ZFHX3: variants seen among roughly 807,000 people sequenced by gnomAD.
ZFHX3 encodes zinc finger homeobox protein 3.
In ZFHX3, 42 loss-of-function variants were observed where a neutral mutation model predicts 279.1. The observed-to-expected ratio is 0.15, with a 90% CI of 0.12 to 0.19. The LOEUF (loss-of-function observed/expected upper bound fraction) is 0.19. Ranked by LOEUF, ZFHX3 falls within the 10% of genes least tolerant of loss-of-function variation. The pLI, the probability that ZFHX3 is intolerant of heterozygous loss-of-function variation, is 1.00. For missense variants in ZFHX3, 4,981 were observed against 4,754.0 expected, an observed-to-expected ratio of 1.05 and a Z score of -1.40; for synonymous variants, 2,293 against 1,957.8, an observed-to-expected ratio of 1.17 and a Z score of -4.52.
chr16:73,164,686 T>G (rs56242750), intron 5 of ZFHX3, among the ~76,000 whole-genome samples: 5,872 of 136,360 alleles, frequency 0.043, 379 homozygotes, highest in African/African-American at 0.15. Context: ...GGTGACAAAG[T>G]GAGACTCTGT....
chr16:72,899,743 A>G (rs886186923), intron 3 of ZFHX3, among the ~76,000 whole-genome samples: 1 of 152,184 alleles, frequency 6.6e-6, no homozygotes, highest in African/African-American at 2.4e-5. Flanking sequence ...AAACAGGGAC[A>G]ATAACAGAGC....
intron 1 of ZFHX3, among the ~76,000 whole-genome samples, chr16:72,966,452 C>T (rs1014128727): frequency 3.9e-5 from 6 of 152,178 alleles, no homozygotes; most frequent in Non-Finnish European, 7.3e-5. Context: ...TGATGACAAA[C>T]TCAGAGGAAG....
rs543289725 is a variant in ZFHX3, at chr16:73,372,876, C to T, written c.-1290-54540G>A. Among the ~76,000 whole-genome samples, 17 of 152,320 alleles carry T rather than the reference C, an allele frequency of 1.1e-4. No individual in the cohort carries two copies. In the South Asian group the frequency reaches 3.5e-3, roughly 32 times the overall value. Reference sequence around the variant, plus strand: ...TCCATTAACACAAACTCAGTGACACCTACATCCGAAACATACACCCTCGCA... The same window carrying T: ...TCCATTAACACAAACTCAGTGACACTTACATCCGAAACATACACCCTCGCA... On this transcript the variant is annotated intron_variant, in intron 3 of 17. Coordinates refer to the ZFHX3 transcript ENST00000641206.
intron 1 of ZFHX3, among the ~76,000 whole-genome samples, chr16:73,716,857 T>C (rs559152948): frequency 6.6e-6 from 1 of 152,150 alleles, no homozygotes; most frequent in South Asian, 2.1e-4. Flanking sequence ...CGGCTCGCTC[T>C]CTGCATCACA....
chr16:73,883,816 A>G (rs1163434566), intron 1 of ZFHX3, among the ~76,000 whole-genome samples: 1 of 152,138 alleles, frequency 6.6e-6, no homozygotes. Context: ...GGTCAAGTCA[A>G]GGGTGCCTCT....
intron 1 of ZFHX3, among the ~76,000 whole-genome samples, chr16:73,038,730 A>G (rs1965003054): frequency 6.6e-6 from 1 of 151,514 alleles, no homozygotes; most frequent in Admixed American, 6.6e-5. Flanking sequence ...AAATGTTACC[A>G]CCTCAAGTGC....
Position 73,179,879 on chromosome 16 carries a change from A to G in ZFHX3, c.-1103-36048T>C, listed in dbSNP as rs141082111. On this transcript the variant is annotated intron_variant, in intron 5 of 17. Coordinates refer to the ZFHX3 transcript ENST00000641206. ...AAGGGGGACCCACTGACCCCTGACC[A>G]CAGCCTTGTCATACAGAGAGTGTCA... 3.4e-4 allele frequency among the ~76,000 whole-genome samples: 52 copies of G among 152,258 alleles called. No individual in the cohort carries two copies. The East Asian group carries it at 9.7e-3, about 28-fold the overall frequency.
intron 3 of ZFHX3, among the ~76,000 whole-genome samples, chr16:73,382,070 C>T (rs1025748271): frequency 6.6e-6 from 1 of 152,230 alleles, no homozygotes; most frequent in African/African-American, 2.4e-5. Flanking sequence ...CATAGTTTGT[C>T]AACCTCTGGA....
chr16:73,841,333 G>T (rs117913041), intron 1 of ZFHX3, among the ~76,000 whole-genome samples: 2,689 of 152,232 alleles, frequency 0.018, 38 homozygotes, highest in Non-Finnish European at 0.025. Flanking sequence ...CAGATGAGCT[G>T]GGGGTGGGTG....
At chr16:73,134,312 C>T (rs892215999) in intron 6 of ZFHX3, among the ~76,000 whole-genome samples, 10 of 142,784 alleles carry the variant, frequency 7.0e-5, no homozygotes, top group African/African-American at 1.5e-4. Context: ...AGTGACCTTC[C>T]GTGTTAGTCT....
rs3081625 is a variant in ZFHX3, at chr16:73,004,159, C to CTTTTTTTTTTTTTTTTTTTTTTTT, written c.-50+43569_-50+43592dup. On this transcript the variant is annotated intron_variant, in intron 1 of 9. Transcript: ENST00000268489. Reference sequence around the variant, plus strand: ...CAATAATAACTACATAAAAACACGACTTTTTTTTTTTTTTTTTTTTTTTTT... The same window carrying CTTTTTTTTTTTTTTTTTTTTTTTT: ...CAATAATAACTACATAAAAACACGACTTTTTTTTTTTTTTTTTTTTTTTTTTTTTTTTTTTTTTTTTTTTTTTTT... Among the ~76,000 whole-genome samples, 7 of 49,372 alleles carry CTTTTTTTTTTTTTTTTTTTTTTTT rather than the reference C, an allele frequency of 1.4e-4. 3 individuals carry two copies. The highest frequency in any genetic ancestry group is 4.2e-4 in the African/African-American group (4 of 9,434). 32.4% of individuals were successfully genotyped at this position (49,372 alleles called of 152,430 possible).
chr16:73,307,498 C>T (rs1032772796), intron 4 of ZFHX3, among the ~76,000 whole-genome samples: 6 of 152,202 alleles, frequency 3.9e-5, no homozygotes, highest in Non-Finnish European at 5.9e-5. Context: ...TCTGCAAAAA[C>T]ATATTCTAGG....
rs1345960329 is a variant in ZFHX3, at chr16:73,623,278, C to T, written c.-1547+56902G>A. ...GTCTCAATCTCCTGACCTCGTGATC[C>T]GCCCGCCTCGGCCTCCCAAAGCACT... On this transcript the variant is annotated intron_variant, in intron 2 of 17. Coordinates refer to the ZFHX3 transcript ENST00000641206. 4.6e-5 allele frequency among the ~76,000 whole-genome samples: 7 copies of T among 152,102 alleles called. No homozygotes were observed. In the South Asian group the frequency reaches 6.2e-4, roughly 14 times the overall value.
chr16:73,105,414 C>A (rs933497230), intron 7 of ZFHX3, among the ~76,000 whole-genome samples: 1 of 137,870 alleles, frequency 7.3e-6, no homozygotes, highest in African/African-American at 2.9e-5. Context: ...TATATACACA[C>A]ACACATATAT....
intron 1 of ZFHX3, among the ~76,000 whole-genome samples, chr16:73,845,822 C>CT (rs1030234550): frequency 3.2e-4 from 49 of 151,146 alleles, no homozygotes; most frequent in Non-Finnish European, 4.3e-4. Context: ...TCTTTTTTCT[C>CT]TTTTTTTTTA....
At position 73,872,048 on chromosome 16, in the gene ZFHX3, T is replaced by A. The variant is rs73603576; in HGVS notation, c.-1608+19603A>T. On this transcript the variant is annotated intron_variant, in intron 1 of 17. Transcript: ENST00000641206. ...ATTGTACACCCAGTTTTGCGATCAA[T>A]ATTCACATTTTGAATTGTAAGTGAA... Among the ~76,000 whole-genome samples, 497 of 152,356 alleles carry A rather than the reference T, an allele frequency of 3.3e-3. 2 individuals are homozygous for A. The highest frequency in any genetic ancestry group is 0.011 in the African/African-American group (477 of 41,566).
chr16:73,768,541 T>A (rs1424318353), intron 1 of ZFHX3, among the ~76,000 whole-genome samples: 1 of 152,176 alleles, frequency 6.6e-6, no homozygotes. Flanking sequence ...AAAAGAGAGG[T>A]GTTGAGTGTC....
At chr16:73,239,745 G>A (rs1180849056) in intron 5 of ZFHX3, among the ~76,000 whole-genome samples, 1 of 152,230 alleles carries the variant, frequency 6.6e-6, no homozygotes, top group Non-Finnish European at 1.5e-5. Context: ...AAAATGGCAT[G>A]AGATCAGTAG....
At chr16:73,769,405 T>C (rs911920742) in intron 1 of ZFHX3, among the ~76,000 whole-genome samples, 3 of 152,162 alleles carry the variant, frequency 2.0e-5, no homozygotes. Context: ...CATAATGACA[T>C]TTCATAATAG....
Sources: gnomAD v4.1 joint callset for allele counts (sites outside exome capture counted in the v4.1 genomes callset) on GRCh38, gnomAD v4.1.1 for gene constraint, MANE v1.5 for transcripts, NCBI Gene and HGNC (gene_info 2026-07-23, HGNC 2026-07-21) for gene names.